CNTRL: variants seen among roughly 807,000 people sequenced by gnomAD.
The protein encoded by CNTRL is 110 kDa centrosomal protein.
A neutral mutation model predicts 303.7 loss-of-function variants in CNTRL; 233 were observed. That is an observed-to-expected ratio of 0.77 (90% CI 0.69 to 0.86). CNTRL has a LOEUF of 0.86. Ranked by LOEUF, CNTRL falls within the 40% of genes least tolerant of loss-of-function variation. CNTRL has a pLI of 0.00. For synonymous variants in CNTRL, 900 were observed against 922.2 expected (o/e 0.98, Z 0.44); for missense variants, 2,524 against 2,650.6 (o/e 0.95, Z 1.05).
chr9:121,109,967 G>A (rs2049674030), intron 8 of CNTRL, among the ~76,000 whole-genome samples: 1 of 152,000 alleles, frequency 6.6e-6, no homozygotes, highest in South Asian at 2.1e-4. Flanking sequence ...ATAATTCTGG[G>A]TCTTATTCTA....
chr9:121,168,742 C>G (rs775824483), intron 38 of CNTRL, among the ~76,000 whole-genome samples: 2 of 152,146 alleles, frequency 1.3e-5, no homozygotes, highest in Non-Finnish European at 2.9e-5. Flanking sequence ...GCTTTTAGGT[C>G]AGTTTGTTCT....
chr9:121,105,463 G>T (rs963208381), intron 7 of CNTRL, among the ~76,000 whole-genome samples: 1 of 152,190 alleles, frequency 6.6e-6, no homozygotes, highest in Non-Finnish European at 1.5e-5. Context: ...GTGGCATAGA[G>T]TCAGAAATGT....
intron 1 of CNTRL, among the ~76,000 whole-genome samples, chr9:121,076,421 T>G (rs2047927296): frequency 6.6e-6 from 1 of 151,894 alleles, no homozygotes; most frequent in Admixed American, 6.6e-5. Flanking sequence ...GAAAGGCAAA[T>G]AGGCAGGCAG....
chr9:121,165,155 C>CT, intron 35 of CNTRL, 55 bp downstream of exon 35: 1 of 1,469,824 alleles, frequency 6.8e-7, no homozygotes, highest in Non-Finnish European at 9.1e-7. Flanking sequence ...TCGTTAGATT[C>CT]TTTGATTTTT....
intron 2 of CNTRL, among the ~76,000 whole-genome samples, chr9:121,084,235 T>A (rs2048258806): frequency 6.6e-6 from 1 of 152,188 alleles, no homozygotes; most frequent in Non-Finnish European, 1.5e-5. Flanking sequence ...GTAAAGTTTA[T>A]AATTTTTGTA....
rs754788559 is a variant in CNTRL at position 121,154,852 on chromosome 9, T to C, written c.4304T>C (p.Leu1435Pro). The change falls in exon 27 of 44, where the codon CTC (leucine) becomes CCC (proline). Residue 1435 changes from leucine (L) to proline (P), a missense_variant. Coordinates refer to ENST00000373855, the MANE Select transcript of CNTRL (RefSeq NM_007018.6). ...EKTLLKRRSE[L>P]READRLLAEA... ...ACTCTTCTGAAACGTCGCTCAGAGC[T>C]CAGGGAAGCTGACCGACTCCTGGCA... The C allele has an allele frequency of 6.2e-7, 1 of 1,614,180 alleles. No homozygotes were observed. The highest frequency in any genetic ancestry group is 8.5e-7 in the Non-Finnish European group (1 of 1,179,998).
At chr9:121,087,968 C>T (rs1196953715) in intron 2 of CNTRL, among the ~76,000 whole-genome samples, 1 of 152,118 alleles carries the variant, frequency 6.6e-6, no homozygotes, top group African/African-American at 2.4e-5. Flanking sequence ...CTGCTGGTTG[C>T]CAAATATTCC....
Position 121,145,343 on chromosome 9 carries a change from G to A in CNTRL, c.3268G>A (p.Glu1090Lys). 6.2e-7 allele frequency: 1 copy of A among 1,614,020 alleles called. No homozygotes were observed. Among genetic ancestry groups the A allele is most frequent in the Non-Finnish European group, 8.5e-7 (1 of 1,179,962 alleles). ...LNETMERQRT[E>K]IARLQNVLDL... ...TGAGACAATGGAACGACAAAGGACA[G>A]AGATTGCAAGGCTGCAGAATGTACT... Residue 1090 changes from glutamate to lysine, a missense_variant, in exon 22 of 44, where the codon GAG becomes AAG. Glu to Lys is a moderately conservative substitution (Grantham distance 56, BLOSUM62 1). Transcript: ENST00000373855.
rs2048437124 is a variant in CNTRL at position 121,088,555 on chromosome 9, T to A, written c.217+12T>A. On this transcript the variant is annotated intron_variant, in intron 3 of 43. Coordinates refer to ENST00000373855, the MANE Select transcript of CNTRL (RefSeq NM_007018.6). ...TCAAGACCATAAAGGTATCACTTTT[T>A]AATCTAAGAATTGGTCTGACCACAT... The A allele has an allele frequency of 1.9e-6, 3 of 1,566,034 alleles. No individual in the cohort carries two copies. In the East Asian group the frequency reaches 6.7e-5, roughly 35 times the overall value.
At chr9:121,097,355 C>G (rs887534470) in intron 6 of CNTRL, among the ~76,000 whole-genome samples, 3 of 151,984 alleles carry the variant, frequency 2.0e-5, no homozygotes, top group African/African-American at 7.2e-5. Context: ...CCTCTAAAAC[C>G]ACTGTTTGGG....
intron 7 of CNTRL, among the ~76,000 whole-genome samples, chr9:121,101,001 A>G (rs1248263884): frequency 8.5e-6 from 1 of 118,280 alleles, no homozygotes; most frequent in Admixed American, 9.4e-5. Context: ...TAGATCCACA[A>G]GAGAGAAAGT....
intron 38 of CNTRL, 31 bp downstream of exon 38, chr9:121,168,352 TGGG>T: frequency 6.3e-7 from 1 of 1,586,472 alleles, no homozygotes; most frequent in Non-Finnish European, 8.7e-7. Context: ...CACTGGGAGA[TGGG>T]GTATGGATTG....
chr9:121,130,220 T>C (rs1036175187), intron 14 of CNTRL, among the ~76,000 whole-genome samples: 2 of 152,230 alleles, frequency 1.3e-5, no homozygotes, highest in African/African-American at 2.4e-5. Flanking sequence ...AGCTCCTCTT[T>C]GTACCTCTGG....
intron 4 of CNTRL, among the ~76,000 whole-genome samples, chr9:121,091,824 A>G (rs566637472): frequency 6.6e-6 from 1 of 151,382 alleles, no homozygotes; most frequent in African/African-American, 2.4e-5. Context: ...AGCCTGGGCA[A>G]CCTAGATGTT....
Position 121,158,041 on chromosome 9 carries a change from C to T in CNTRL, c.4696C>T (p.Gln1566Ter), listed in dbSNP as rs1357625038. ...AGAACGCAATGAGGATCACCACCTGCAGGTCCTTAAAGAATCTGAGGTGCT... is the reference window on the plus strand; with the variant it reads ...AGAACGCAATGAGGATCACCACCTGTAGGTCCTTAAAGAATCTGAGGTGCT... ...MAERNEDHHL[Q>*]VLKESEVLLQ... Residue 1566 changes from glutamine to a stop codon, truncating the protein, a stop_gained, in exon 30 of 44, where the codon CAG becomes TAG. Transcript: ENST00000373855. LOFTEE classifies it high-confidence loss of function. 1 of 1,614,134 alleles carries T rather than the reference C, an allele frequency of 6.2e-7. No homozygotes were observed. The highest frequency in any genetic ancestry group is 1.1e-5 in the South Asian group (1 of 91,088).
At chr9:121,103,564 T>C (rs1180302374) in intron 7 of CNTRL, among the ~76,000 whole-genome samples, 1 of 152,094 alleles carries the variant, frequency 6.6e-6, no homozygotes, top group Non-Finnish European at 1.5e-5. Flanking sequence ...CTAATTAAAC[T>C]AAAGAGCTTC....
intron 7 of CNTRL, among the ~76,000 whole-genome samples, chr9:121,098,790 T>C (rs530338022): frequency 6.6e-6 from 1 of 151,434 alleles, no homozygotes; most frequent in South Asian, 2.1e-4. Flanking sequence ...CATATGGTGC[T>C]GCTGTCCATG....
chr9:121,080,797 G>A (rs2048108415), intron 2 of CNTRL, among the ~76,000 whole-genome samples: 1 of 152,122 alleles, frequency 6.6e-6, no homozygotes, highest in Admixed American at 6.5e-5. Flanking sequence ...GGGAGGAAAG[G>A]GAGTAATTCC....
intron 5 of CNTRL, among the ~76,000 whole-genome samples, chr9:121,095,641 A>G (rs920985317): frequency 2.0e-5 from 3 of 152,230 alleles, no homozygotes; most frequent in Non-Finnish European, 4.4e-5. Context: ...ATGACTAGCA[A>G]TGGCAGAAGT....
Sources: allele counts gnomAD v4.1 joint callset (sites outside exome capture counted in the v4.1 genomes callset), GRCh38; gene constraint gnomAD v4.1.1; transcripts MANE v1.5; gene names NCBI Gene and HGNC (gene_info 2026-07-23, HGNC 2026-07-21).